Variants in MAD1L1 observed in about 807,000 individuals in gnomAD.
The protein encoded by MAD1L1 is mitotic spindle assembly checkpoint protein MAD1.
Under a neutral mutation model 96.9 loss-of-function variants are expected in MAD1L1, and 95 were observed. That is an observed-to-expected ratio of 0.98 (90% CI 0.83 to 1.16). The LOEUF (loss-of-function observed/expected upper bound fraction) is 1.16, where lower values mean the gene tolerates loss of function less well. MAD1L1 is among the 50% of genes most tolerant of loss of function. MAD1L1 has a pLI of 0.00. For missense variants in MAD1L1, 1,007 were observed against 954.4 expected, an observed-to-expected ratio of 1.06 and a Z score of -0.73; for synonymous variants, 473 against 396.6, an observed-to-expected ratio of 1.19 and a Z score of -2.29.
rs184078665 is a variant in MAD1L1 at position 2,180,396 on chromosome 7, C to T, written c.987-31158G>A. On this transcript the variant is annotated intron_variant, in intron 10 of 18. Transcript: ENST00000265854. ...TCTCTGGCTAATATTCATTCTGAGACTGGCCTTTGCTTAAGACCGAGCATC... is the reference window on the plus strand; with the variant it reads ...TCTCTGGCTAATATTCATTCTGAGATTGGCCTTTGCTTAAGACCGAGCATC... Among the ~76,000 whole-genome samples, 39 of 152,378 alleles carry T rather than the reference C, an allele frequency of 2.6e-4. No individual in the cohort carries two copies. The East Asian group carries it at 4.8e-3, about 19-fold the overall frequency.
chr7:2,189,987 C>T (rs998921656), intron 10 of MAD1L1, among the ~76,000 whole-genome samples: 4 of 152,046 alleles, frequency 2.6e-5, no homozygotes, highest in Admixed American at 2.6e-4. Flanking sequence ...CTGGAGGTCC[C>T]AGTGAGTGCA....
chr7:1,869,957 C>T (rs540193369), intron 18 of MAD1L1, among the ~76,000 whole-genome samples: 55 of 152,304 alleles, frequency 3.6e-4, no homozygotes, highest in Non-Finnish European at 8.8e-5. Context: ...TGGAGCACTT[C>T]ATAAGCCAAG....
intron 10 of MAD1L1, among the ~76,000 whole-genome samples, chr7:2,150,274 T>C (rs2128580650): frequency 6.6e-6 from 1 of 152,128 alleles, no homozygotes; most frequent in Non-Finnish European, 1.5e-5. Flanking sequence ...CGGGAGCTCC[T>C]CTCTGCGAGT....
intron 18 of MAD1L1, among the ~76,000 whole-genome samples, chr7:1,853,651 C>T (rs1328377975): frequency 1.3e-5 from 2 of 152,166 alleles, no homozygotes; most frequent in Non-Finnish European, 2.9e-5. Context: ...CACACCCACA[C>T]GCCTCCCTCT....
intron 17 of MAD1L1, among the ~76,000 whole-genome samples, chr7:1,933,476 G>A (rs1177126581): frequency 6.6e-6 from 1 of 152,188 alleles, no homozygotes; most frequent in Non-Finnish European, 1.5e-5. Context: ...CAAGCCTGTT[G>A]TCCTGACTTG....
chr7:1,974,870 G>C (rs1233735827), intron 15 of MAD1L1, among the ~76,000 whole-genome samples: 1 of 152,248 alleles, frequency 6.6e-6, no homozygotes, highest in Non-Finnish European at 1.5e-5. Flanking sequence ...GGGACCAGGG[G>C]AGGTGGGCAG....
At position 2,211,974 on chromosome 7, in the gene MAD1L1, G is replaced by A. The variant is rs535287012; in HGVS notation, c.986+1238C>T. Among the ~76,000 whole-genome samples, 5 of 152,276 alleles carry A rather than the reference G, an allele frequency of 3.3e-5. No individual in the cohort carries two copies. The East Asian group carries it at 9.7e-4, about 29-fold the overall frequency. On this transcript the variant is annotated intron_variant, in intron 10 of 18. Coordinates refer to ENST00000265854, the MANE Select transcript of MAD1L1 (RefSeq NM_001013836.2). ...GAGGCCGCCTCGGCACCAGCACCTC[G>A]GGCCCTGAGCCCCGGGCTCTGATGG...
intron 12 of MAD1L1, among the ~76,000 whole-genome samples, chr7:2,023,759 G>A (rs1782883391): frequency 6.6e-6 from 1 of 152,124 alleles, no homozygotes; most frequent in Admixed American, 6.5e-5. Flanking sequence ...GACCAGCCTG[G>A]CCAACATGGT....
intron 18 of MAD1L1, among the ~76,000 whole-genome samples, chr7:1,882,961 G>A (rs147061791): frequency 0.01 from 1,299 of 123,982 alleles, 12 homozygotes; most frequent in Admixed American, 0.031. Flanking sequence ...TGTCACAAAC[G>A]ACTCCAGGAA....
Position 2,149,140 on chromosome 7 carries a change from G to C in MAD1L1, c.1073+12C>G, listed in dbSNP as rs10252865. The stretch of plus-strand genomic sequence containing the variant: ...ACGCATCCCCACAAGCACCCTGGGC[G>C]GCCAGGTCTACCTGCTGGTGACGGC... On this transcript the variant is annotated intron_variant, in intron 11 of 18. Coordinates refer to ENST00000265854, the MANE Select transcript of MAD1L1 (RefSeq NM_001013836.2). 8 of 1,613,534 alleles carry C rather than the reference G, an allele frequency of 5.0e-6. No homozygotes were observed. The highest frequency in any genetic ancestry group is 6.8e-6 in the Non-Finnish European group (8 of 1,179,722).
chr7:1,891,298 G>A (rs915615156), intron 18 of MAD1L1, among the ~76,000 whole-genome samples: 1 of 152,030 alleles, frequency 6.6e-6, no homozygotes, highest in Admixed American at 6.6e-5. Flanking sequence ...GGCCGAGGAG[G>A]GAGGATCACC....
In MAD1L1 at chr7:1,898,220, C is replaced by G. The variant is rs769884634; in HGVS notation, c.1978G>C (p.Gly660Arg). ...RLTSLYAEHP[G>R]DCLIFKATSP... is the part of the protein sequence containing the mutation. Reference sequence around the variant, plus strand: ...CCCACCTTGAAGATGAGGCAGTCGCCTGGGTGCTCGGCGTACAGCGAGGTC... The same window carrying G: ...CCCACCTTGAAGATGAGGCAGTCGCGTGGGTGCTCGGCGTACAGCGAGGTC... Residue 660 changes from glycine to arginine, a missense_variant, in exon 18 of 19, where the codon GGC becomes CGC. By Grantham distance (125) the Gly-to-Arg change is moderately radical. Coordinates refer to ENST00000265854, the MANE Select transcript of MAD1L1 (RefSeq NM_001013836.2). The G allele has an allele frequency of 3.7e-6, 6 of 1,612,460 alleles. No homozygotes were observed. Among genetic ancestry groups the G allele is most frequent in the Non-Finnish European group, 5.1e-6 (6 of 1,179,346 alleles).
At chr7:1,952,831 C>T (rs979766326) in intron 16 of MAD1L1, among the ~76,000 whole-genome samples, 2 of 152,216 alleles carry the variant, frequency 1.3e-5, no homozygotes, top group East Asian at 3.9e-4. Context: ...GAGAAAGAGC[C>T]GAACACAGAA....
At chr7:2,113,441 G>A (rs146683319) in intron 11 of MAD1L1, among the ~76,000 whole-genome samples, 182 of 152,240 alleles carry the variant, frequency 1.2e-3, no homozygotes, top group African/African-American at 4.1e-3. Context: ...TTAGCCAGGC[G>A]TGGTGGCAGG....
intron 5 of MAD1L1, among the ~76,000 whole-genome samples, 173 bp downstream of exon 5, chr7:2,222,402 A>C (rs527536847): frequency 4.6e-5 from 7 of 152,182 alleles, no homozygotes; most frequent in Non-Finnish European, 1.0e-4. Flanking sequence ...TTTTTAACTG[A>C]AAACTACAGA....
chr7:1,919,683 A>G (rs1788652889), intron 17 of MAD1L1, among the ~76,000 whole-genome samples: 1 of 152,152 alleles, frequency 6.6e-6, no homozygotes, highest in Non-Finnish European at 1.5e-5. Context: ...ACCCTCCACA[A>G]TGACCGTGAT....
intron 15 of MAD1L1, among the ~76,000 whole-genome samples, chr7:1,970,454 C>A (rs946360613): frequency 1.3e-5 from 2 of 151,484 alleles, no homozygotes; most frequent in Admixed American, 1.3e-4. Context: ...GTGTCTCAAC[C>A]TCCCAAGTAG....
At chr7:1,818,552 A>G (rs189507911) in intron 18 of MAD1L1, among the ~76,000 whole-genome samples, 1 of 151,842 alleles carries the variant, frequency 6.6e-6, no homozygotes, top group Admixed American at 6.6e-5. Flanking sequence ...CTAATTTTTA[A>G]ATTTTTTTGA....
chr7:2,194,270 T>C (rs974055005), intron 10 of MAD1L1, among the ~76,000 whole-genome samples: 1 of 152,194 alleles, frequency 6.6e-6, no homozygotes, highest in Non-Finnish European at 1.5e-5. Flanking sequence ...TCTGCATGGA[T>C]TTTTTAAACC....
Sources: allele counts gnomAD v4.1 joint callset (sites outside exome capture counted in the v4.1 genomes callset), GRCh38; gene constraint gnomAD v4.1.1; transcripts MANE v1.5; gene names NCBI Gene and HGNC (gene_info 2026-07-23, HGNC 2026-07-21).